LOC400499: variants seen among roughly 807,000 people sequenced by gnomAD.
chr16:11,426,528 G>A, the LOC400499 span, among the ~76,000 whole-genome samples: 1 of 151,772 alleles, frequency 6.6e-6, no homozygotes, highest in African/African-American at 2.4e-5. Context: ...TTCTTTGTAA[G>A]AATGAGAACA....
At chr16:11,375,657 T>A in the LOC400499 span, among the ~76,000 whole-genome samples, 57 of 152,206 alleles carry the variant, frequency 3.7e-4, no homozygotes, top group African/African-American at 1.3e-3. Context: ...ATTAGTGATG[T>A]TGAGCATCTT....
At chr16:11,446,498 CTTG>C in the LOC400499 span, 1 of 1,503,176 alleles carries the variant, frequency 6.7e-7, no homozygotes, top group Non-Finnish European at 8.9e-7. Context: ...ATGACAGCAA[CTTG>C]AACCAGGGCT....
At chr16:11,377,621 A>G in the LOC400499 span, among the ~76,000 whole-genome samples, 1 of 152,222 alleles carries the variant, frequency 6.6e-6, no homozygotes, top group African/African-American at 2.4e-5. Context: ...TGATTTTTAT[A>G]TGGTAACCAT....
the LOC400499 span, among the ~76,000 whole-genome samples, chr16:11,425,842 T>C: frequency 6.6e-6 from 1 of 152,188 alleles, no homozygotes; most frequent in Non-Finnish European, 1.5e-5. Flanking sequence ...ATACTCGACT[T>C]GGTTTATGAA....
At chr16:11,412,002 A>G in the LOC400499 span, among the ~76,000 whole-genome samples, 1 of 152,014 alleles carries the variant, frequency 6.6e-6, no homozygotes, top group Non-Finnish European at 1.5e-5. Context: ...AGCTGGGACT[A>G]CAAGCATGCG....
the LOC400499 span, among the ~76,000 whole-genome samples, chr16:11,409,947 G>C: frequency 6.6e-6 from 1 of 152,180 alleles, no homozygotes; most frequent in African/African-American, 2.4e-5. Context: ...TATATAGGTT[G>C]AAATAACTCA....
chr16:11,487,124 T>C, the LOC400499 span: 1 of 396,584 alleles, frequency 2.5e-6, no homozygotes, highest in Non-Finnish European at 4.4e-6. Context: ...TATGGGCAGG[T>C]GGGTGACTAG....
At chr16:11,461,501 G>T in the LOC400499 span, among the ~76,000 whole-genome samples, 1 of 152,162 alleles carries the variant, frequency 6.6e-6, no homozygotes, top group South Asian at 2.1e-4. Context: ...GATTTCAGGC[G>T]TGAGACACTG....
At chr16:11,404,428 C>T in the LOC400499 span, among the ~76,000 whole-genome samples, 1 of 152,122 alleles carries the variant, frequency 6.6e-6, no homozygotes, top group Non-Finnish European at 1.5e-5. Flanking sequence ...CTCTCTGCAA[C>T]CTCTGCCTCC....
the LOC400499 span, among the ~76,000 whole-genome samples, chr16:11,394,052 ACT>A: frequency 6.6e-6 from 1 of 152,104 alleles, no homozygotes; most frequent in East Asian, 1.9e-4. Flanking sequence ...CCACCCAGAC[ACT>A]CTGATTTAAT....
At chr16:11,385,232 G>A in the LOC400499 span, 2 of 1,232,192 alleles carry the variant, frequency 1.6e-6, no homozygotes, top group African/African-American at 3.1e-5. Flanking sequence ...GGTAGAGGAT[G>A]AGGGTCTTGT....
the LOC400499 span, among the ~76,000 whole-genome samples, chr16:11,526,793 C>T: frequency 6.6e-6 from 1 of 152,146 alleles, no homozygotes; most frequent in Non-Finnish European, 1.5e-5. Context: ...CTCACTGCAG[C>T]CTCGACCTGC....
the LOC400499 span, among the ~76,000 whole-genome samples, chr16:11,459,259 C>T: frequency 7.7e-6 from 1 of 129,162 alleles, no homozygotes; most frequent in Non-Finnish European, 1.5e-5. Flanking sequence ...TGCAGTGGTG[C>T]GATCTCGGCT....
the LOC400499 span, among the ~76,000 whole-genome samples, chr16:11,405,446 G>A: frequency 2.0e-5 from 3 of 152,172 alleles, no homozygotes; most frequent in Non-Finnish European, 4.4e-5. Context: ...TGACAAGGAT[G>A]GTCACAAGAG....
the LOC400499 span, chr16:11,414,625 A>T: frequency 1.3e-5 from 5 of 398,630 alleles, no homozygotes; most frequent in Admixed American, 8.8e-5. Context: ...CAACACCAGC[A>T]GGAAAGGGCA....
the LOC400499 span, chr16:11,449,070 T>C: frequency 6.7e-6 from 10 of 1,483,214 alleles, no homozygotes; most frequent in Admixed American, 1.4e-4. Context: ...GCTCCAGCTG[T>C]GGAAGAGGCT....
At chr16:11,515,611 G>A in the LOC400499 span, among the ~76,000 whole-genome samples, 527 of 150,662 alleles carry the variant, frequency 3.5e-3, 2 homozygotes, top group Non-Finnish European at 6.4e-3. Flanking sequence ...GGTAAAGGAA[G>A]GAGGACCAAG....
chr16:11,451,292 T>C, the LOC400499 span, among the ~76,000 whole-genome samples: 2 of 152,134 alleles, frequency 1.3e-5, no homozygotes, highest in Admixed American at 6.6e-5. Context: ...TAATAAAACA[T>C]TGGAAGGTCA....
the LOC400499 span, among the ~76,000 whole-genome samples, chr16:11,378,461 G>C: frequency 6.6e-6 from 1 of 152,082 alleles, no homozygotes; most frequent in East Asian, 1.9e-4. Flanking sequence ...CTGGGGTTTT[G>C]CCATGTTTGC....
Sources: gnomAD v4.1 joint callset for allele counts (sites outside exome capture counted in the v4.1 genomes callset) on GRCh38, gnomAD v4.1.1 for gene constraint, MANE v1.5 for transcripts.